TRDN: variants seen among roughly 807,000 people sequenced by gnomAD.
The protein encoded by TRDN is triadin in skeletal muscle.
A neutral mutation model predicts 149.7 loss-of-function variants in TRDN; 161 were observed. The ratio of observed to expected loss-of-function variants is 1.08; its 90% CI spans 0.95 to 1.23. The LOEUF (loss-of-function observed/expected upper bound fraction) is 1.23, where lower values mean the gene tolerates loss of function less well. Among genes scored for constraint, TRDN ranks in the 50% most tolerant of loss-of-function variants. The pLI is 0.00. For synonymous variants in TRDN, 294 were observed against 250.5 expected (o/e 1.17, Z -1.64); for missense variants, 896 against 823.5 (o/e 1.09, Z -1.08).
At chr6:123,341,445 C>A (rs1461502391) in intron 21 of TRDN, among the ~76,000 whole-genome samples, 1 of 151,750 alleles carries the variant, frequency 6.6e-6, no homozygotes, top group African/African-American at 2.4e-5. Flanking sequence ...TGAATTATAT[C>A]TATGCATTGC....
At chr6:123,312,794 T>C (rs180759276) in intron 24 of TRDN, among the ~76,000 whole-genome samples, 69 of 152,140 alleles carry the variant, frequency 4.5e-4, no homozygotes, top group African/African-American at 1.3e-3. Context: ...CTAATATCAT[T>C]TCCTTGTAGC....
At chr6:123,421,202 C>T (rs1029094253) in intron 12 of TRDN, among the ~76,000 whole-genome samples, 4 of 152,262 alleles carry the variant, frequency 2.6e-5, no homozygotes, top group East Asian at 1.9e-4. Context: ...TGGCTCTCTC[C>T]TCTCAATCTG....
chr6:123,227,937 A>G (rs1450341167), intron 38 of TRDN, among the ~76,000 whole-genome samples: 1 of 151,780 alleles, frequency 6.6e-6, no homozygotes, highest in Non-Finnish European at 1.5e-5. Context: ...CAAGAACATA[A>G]TCCAAATCTC....
At chr6:123,498,995 C>T (rs553062510) in intron 8 of TRDN, among the ~76,000 whole-genome samples, 64 of 152,174 alleles carry the variant, frequency 4.2e-4, no homozygotes, top group African/African-American at 1.4e-3. Flanking sequence ...AATTAAAATG[C>T]CATGGATCTG....
intron 7 of TRDN, chr6:123,509,399 G>A (rs1395665553): frequency 1.3e-5 from 2 of 152,034 alleles, no homozygotes; most frequent in Non-Finnish European, 2.9e-5. Context: ...TCCATGATTA[G>A]TCTAGATAAG....
intron 24 of TRDN, among the ~76,000 whole-genome samples, chr6:123,290,064 T>C (rs1339946186): frequency 6.6e-6 from 1 of 152,132 alleles, no homozygotes; most frequent in Non-Finnish European, 1.5e-5. Context: ...GATAAACAGC[T>C]GCCTGAACAT....
At chr6:123,251,251 G>C (rs977933501) in intron 38 of TRDN, among the ~76,000 whole-genome samples, 4 of 151,938 alleles carry the variant, frequency 2.6e-5, no homozygotes, top group African/African-American at 9.7e-5. Flanking sequence ...ATATTTTAAT[G>C]GTTCCTTTTT....
intron 1 of TRDN, among the ~76,000 whole-genome samples, chr6:123,603,993 G>A (rs566174502): frequency 1.1e-3 from 166 of 152,106 alleles, no homozygotes; most frequent in African/African-American, 3.1e-3. Flanking sequence ...TTATCAAAAG[G>A]AATAACATTA....
At chr6:123,556,621 C>T (rs142751357) in intron 2 of TRDN, among the ~76,000 whole-genome samples, 1,904 of 151,800 alleles carry the variant, frequency 0.013, 24 homozygotes, top group Middle Eastern at 0.041. Flanking sequence ...TCTTCCTCTT[C>T]CTCCTATTCC....
chr6:123,273,106 T>G, intron 28 of TRDN, 95 bp from the exon 29 acceptor site: 2 of 820,852 alleles, frequency 2.4e-6, no homozygotes, highest in Non-Finnish European at 3.7e-6. Flanking sequence ...GAAAAAATAT[T>G]CTGAAATCTT....
intron 24 of TRDN, among the ~76,000 whole-genome samples, chr6:123,315,679 A>C (rs1288369351): frequency 6.6e-6 from 1 of 151,932 alleles, no homozygotes; most frequent in Non-Finnish European, 1.5e-5. Context: ...AGATATAAAC[A>C]TATAAATCTC....
chr6:123,560,276 A>G (rs1330397744), intron 2 of TRDN, among the ~76,000 whole-genome samples: 1 of 152,080 alleles, frequency 6.6e-6, no homozygotes, highest in Non-Finnish European at 1.5e-5. Flanking sequence ...TCAGCAAGCC[A>G]AACTCATTGC....
chr6:123,610,558 G>A lies in TRDN; in HGVS notation c.22+26196C>T, dbSNP rs192600761. Among the ~76,000 whole-genome samples, 8 of 152,280 alleles carry A rather than the reference G, an allele frequency of 5.3e-5. No individual in the cohort carries two copies. In the East Asian group the frequency reaches 1.5e-3, roughly 29 times the overall value. On this transcript the variant is annotated intron_variant, in intron 1 of 40. Transcript: ENST00000334268. ...TTTACTGGGCCAAGAGTAAGTGACA[G>A]AGATATCTATTAAATAATCATATAA...
chr6:123,318,391 T>C (rs189554993), intron 23 of TRDN, among the ~76,000 whole-genome samples: 82 of 152,136 alleles, frequency 5.4e-4, no homozygotes, highest in Non-Finnish European at 9.6e-4. Flanking sequence ...ATTTGGTAGA[T>C]GAAGTGACTG....
intron 8 of TRDN, among the ~76,000 whole-genome samples, chr6:123,501,483 A>G (rs768741521): frequency 5.9e-5 from 9 of 151,600 alleles, no homozygotes; most frequent in Non-Finnish European, 1.0e-4. Context: ...AAAAAAAACT[A>G]TATCTTTATC....
Position 123,278,932 on chromosome 6 carries a change from C to A in TRDN, c.1537+124G>T. The A allele has an allele frequency of 7.1e-6, 6 of 844,772 alleles. No individual in the cohort carries two copies. In the South Asian group the frequency reaches 9.4e-5, roughly 13 times the overall value. 52.3% of individuals were successfully genotyped at this position (844,772 alleles called of 1,614,324 possible). On this transcript the variant is annotated intron_variant, in intron 25 of 40. Transcript: ENST00000334268. Reference sequence around the variant, plus strand: ...GAGTACATTGTCTACACAAAACAAGCCTTTGACTTTAAGCAAAATATTCAA... The same window carrying A: ...GAGTACATTGTCTACACAAAACAAGACTTTGACTTTAAGCAAAATATTCAA...
At chr6:123,501,898 G>A (rs1438331373) in intron 8 of TRDN, 1 of 977,640 alleles carries the variant, frequency 1.0e-6, no homozygotes, top group African/African-American at 1.8e-5. Context: ...TTGTGGCCTG[G>A]AAAATAAACA....
Position 123,321,174 on chromosome 6 carries a change from C to T in TRDN, c.1472-4679G>A, listed in dbSNP as rs142731213. ...GATCCACATCAGGCAATTGTGTGACCTGGGCAAGTAACTCTCAGTGCTTCC... is the reference window on the plus strand; with the variant it reads ...GATCCACATCAGGCAATTGTGTGACTTGGGCAAGTAACTCTCAGTGCTTCC... On this transcript the variant is annotated intron_variant, in intron 23 of 40. Transcript: ENST00000334268. Among the ~76,000 whole-genome samples the T allele has an allele frequency of 1.5e-3, 222 of 152,160 alleles. 3 individuals carry two copies. The highest frequency in any genetic ancestry group is 2.6e-3 in the Admixed American group (40 of 15,274).
chr6:123,264,158 C>T (rs1366834865), intron 33 of TRDN, among the ~76,000 whole-genome samples: 1 of 151,976 alleles, frequency 6.6e-6, no homozygotes, highest in African/African-American at 2.4e-5. Context: ...CTGTAGGTGT[C>T]ATATATAGTG....
Sources: allele counts gnomAD v4.1 joint callset (sites outside exome capture counted in the v4.1 genomes callset), GRCh38; gene constraint gnomAD v4.1.1; transcripts MANE v1.5; gene names NCBI Gene and HGNC (gene_info 2026-07-23, HGNC 2026-07-21).